The following HYAL4 variants were observed in gnomAD, a reference collection of about 807,000 sequenced individuals.
HYAL4 encodes the protein hyaluronidase-4.
A neutral mutation model predicts 35.2 loss-of-function variants in HYAL4; 37 were observed. That is an observed-to-expected ratio of 1.05 (90% CI 0.81 to 1.38). The LOEUF (loss-of-function observed/expected upper bound fraction) is 1.38, where lower values mean the gene tolerates loss of function less well. Among genes scored for constraint, HYAL4 ranks in the 40% most tolerant of loss-of-function variants. The probability of loss-of-function intolerance (pLI) is 0.00; values close to 1 mark genes in which losing one functional copy is unlikely to be tolerated. For missense variants in HYAL4, 572 were observed against 572.4 expected (o/e 1.00, Z 0.01); for synonymous variants, 198 against 203.2 (o/e 0.97, Z 0.22).
chr7:123,794,429 C>A, the HYAL4 span, among the ~76,000 whole-genome samples: 2 of 152,290 alleles, frequency 1.3e-5, no homozygotes, highest in South Asian at 4.1e-4. Flanking sequence ...TTTGTGGCAG[C>A]CCCTCCCATC....
At chr7:123,869,908 T>G (rs1345988200) in intron 3 of HYAL4, among the ~76,000 whole-genome samples, 1 of 150,772 alleles carries the variant, frequency 6.6e-6, no homozygotes, top group Non-Finnish European at 1.5e-5. Flanking sequence ...CAGGCTGGCC[T>G]TGAACTCCTG....
At chr7:123,781,769 T>C in the HYAL4 span, among the ~76,000 whole-genome samples, 1 of 152,230 alleles carries the variant, frequency 6.6e-6, no homozygotes, top group Non-Finnish European at 1.5e-5. Context: ...TGAGTTAAAA[T>C]AGTATTAAAA....
At chr7:123,804,858 A>G in the HYAL4 span, among the ~76,000 whole-genome samples, 5 of 152,224 alleles carry the variant, frequency 3.3e-5, no homozygotes, top group African/African-American at 1.2e-4. Context: ...ATAGATCTTT[A>G]TATCAGTGAA....
chr7:123,788,358 T>C, the HYAL4 span, among the ~76,000 whole-genome samples: 1 of 152,234 alleles, frequency 6.6e-6, no homozygotes. Flanking sequence ...TTAGAAACTT[T>C]TAGATGCATT....
At chr7:123,841,579 C>T (rs1020316664), upstream of HYAL4, among the ~76,000 whole-genome samples, 1 of 151,998 alleles carries the variant, frequency 6.6e-6, no homozygotes, top group Non-Finnish European at 1.5e-5. Flanking sequence ...ACCAGCTCAT[C>T]TTAGTACCTT....
At chr7:123,846,399 T>C (rs1806174776) in intron 1 of HYAL4, among the ~76,000 whole-genome samples, 1 of 151,966 alleles carries the variant, frequency 6.6e-6, no homozygotes, top group Admixed American at 6.6e-5. Context: ...GCCTCTGCTG[T>C]GTCATGCAGG....
At chr7:123,821,842 T>C in the HYAL4 span, among the ~76,000 whole-genome samples, 2 of 152,164 alleles carry the variant, frequency 1.3e-5, no homozygotes, top group Non-Finnish European at 2.9e-5. Flanking sequence ...AAGATAGGGA[T>C]CCAATTTCAT....
At chr7:123,785,077 A>AT in the HYAL4 span, among the ~76,000 whole-genome samples, 1 of 152,022 alleles carries the variant, frequency 6.6e-6, no homozygotes, top group South Asian at 2.1e-4. The surrounding 1 kb of genome is among the most constrained non-coding windows in gnomAD (Gnocchi z 4.5). Context: ...GTACATATAT[A>AT]TTTTTTGAGA....
intron 2 of HYAL4, among the ~76,000 whole-genome samples, chr7:123,856,578 G>A (rs1272227979): frequency 1.3e-5 from 2 of 152,094 alleles, no homozygotes; most frequent in East Asian, 1.9e-4. Flanking sequence ...TTATCCCAAA[G>A]GGCACCTGCC....
At chr7:123,806,084 A>G in the HYAL4 span, among the ~76,000 whole-genome samples, 4 of 152,222 alleles carry the variant, frequency 2.6e-5, no homozygotes, top group Non-Finnish European at 4.4e-5. Flanking sequence ...AAAGAAACAT[A>G]AAGTTGAAGG....
the HYAL4 span, among the ~76,000 whole-genome samples, chr7:123,818,143 C>T: frequency 2.6e-5 from 4 of 152,262 alleles, no homozygotes; most frequent in South Asian, 8.3e-4. Context: ...TCCCAAATTG[C>T]TGAGATTACA....
At chr7:123,842,567 A>G (rs1054921690), upstream of HYAL4, among the ~76,000 whole-genome samples, 5 of 151,834 alleles carry the variant, frequency 3.3e-5, no homozygotes, top group Non-Finnish European at 7.4e-5. Context: ...ACCTTCTGTC[A>G]TGTTGATCTG....
intron 2 of HYAL4, among the ~76,000 whole-genome samples, chr7:123,853,065 G>T (rs1806348378): frequency 6.6e-6 from 1 of 152,142 alleles, no homozygotes; most frequent in Non-Finnish European, 1.5e-5. Flanking sequence ...AGGAATGCTT[G>T]TGGTTTTTGC....
chr7:123,800,012 A>G, the HYAL4 span, among the ~76,000 whole-genome samples: 2 of 151,916 alleles, frequency 1.3e-5, no homozygotes, highest in Non-Finnish European at 2.9e-5. Flanking sequence ...AATACAAAGC[A>G]TCAGCTAGGC....
At chr7:123,810,514 T>G in the HYAL4 span, among the ~76,000 whole-genome samples, 676 of 152,322 alleles carry the variant, frequency 4.4e-3, 4 homozygotes, top group African/African-American at 0.015. Flanking sequence ...GACTTTACTT[T>G]TCAGAGCACT....
At chr7:123,804,197 T>A in the HYAL4 span, among the ~76,000 whole-genome samples, 61 of 152,348 alleles carry the variant, frequency 4.0e-4, no homozygotes, top group Admixed American at 2.4e-3. Flanking sequence ...AGTGTGACAC[T>A]GTTTTTGTAA....
rs939686245 is a variant in HYAL4 at position 123,869,624 on chromosome 7, T to C, written c.954+397T>C. On this transcript the variant is annotated intron_variant, in intron 3 of 4. Coordinates refer to ENST00000223026, the MANE Select transcript of HYAL4 (RefSeq NM_012269.3). Reference sequence around the variant, plus strand: ...TTTGCTCATACATGTGGAAGCAGAATTGTCTAGCCACTTAAACAAAAAAAT... The same window carrying C: ...TTTGCTCATACATGTGGAAGCAGAACTGTCTAGCCACTTAAACAAAAAAAT... Among the ~76,000 whole-genome samples the C allele has an allele frequency of 3.3e-5, 5 of 152,206 alleles. No individual in the cohort carries two copies. In the East Asian group the frequency reaches 5.8e-4, roughly 18 times the overall value.
rs757140794 is a variant in HYAL4 at position 123,876,059 on chromosome 7, C to T, written c.1045-695C>T. On this transcript the variant is annotated intron_variant, in intron 4 of 4. Transcript: ENST00000223026. ...TTTCCACCCCAGTCCCTTGGTGGCT[C>T]GTCAGAAGAGCTTCATCAGGAAGGT... 4.3e-4 allele frequency: 198 copies of T among 456,470 alleles called. 3 individuals are homozygous for T. The highest frequency in any genetic ancestry group is 2.9e-3 in the South Asian group (189 of 64,560). The allele number at this position is 456,470 out of a possible 1,614,324, so 28.3% of individuals were successfully genotyped here. A position where few individuals can be genotyped will look rare whatever the true frequency, so the allele number is the denominator to read the frequency against.
At chr7:123,867,818 ATGTAAT>A (rs1460066159) in intron 2 of HYAL4, among the ~76,000 whole-genome samples, 1 of 152,230 alleles carries the variant, frequency 6.6e-6, no homozygotes, top group African/African-American at 2.4e-5. Flanking sequence ...TAAAATGGAA[ATGTAAT>A]TATAAGCCTT....
Sources: allele counts gnomAD v4.1 joint callset (sites outside exome capture counted in the v4.1 genomes callset), GRCh38; gene constraint gnomAD v4.1.1; non-coding constraint Gnocchi (gnomAD v3.1); transcripts MANE v1.5; gene names NCBI Gene and HGNC (gene_info 2026-07-23, HGNC 2026-07-21).